Variants in COG5 observed in about 807,000 individuals in gnomAD.
COG5 encodes the protein component of oligomeric golgi complex 5.
In COG5, 86 loss-of-function variants were observed where a neutral mutation model predicts 110.4. The ratio of observed to expected loss-of-function variants is 0.78; its 90% confidence interval spans 0.65 to 0.93. The LOEUF is 0.93. Ranked by LOEUF, COG5 falls within the 40% of genes least tolerant of loss-of-function variation. COG5 has a pLI of 0.00. For missense variants in COG5, 1,077 were observed against 987.0 expected (o/e 1.09, Z -1.22); for synonymous variants, 360 against 334.6 (o/e 1.08, Z -0.83).
chr7:107,239,699 A>C (rs1269520224), intron 17 of COG5, among the ~76,000 whole-genome samples: 1 of 151,942 alleles, frequency 6.6e-6, no homozygotes, highest in Non-Finnish European at 1.5e-5. Flanking sequence ...TTCCATTTTC[A>C]TTTGTCCCAA....
At chr7:107,258,523 A>G in intron 14 of COG5, 140 bp from the exon 15 acceptor site, 1 of 684,420 alleles carries the variant, frequency 1.5e-6, no homozygotes, top group African/African-American at 1.8e-5. Context: ...GACAAAGAGA[A>G]TGTTAACTGG....
chr7:107,412,623 G>C lies in COG5; in HGVS notation c.548C>G (p.Ser183Cys). 1 of 1,528,688 alleles carries C rather than the reference G, an allele frequency of 6.5e-7. No homozygotes were observed. The highest frequency in any genetic ancestry group is 9.0e-7 in the Non-Finnish European group (1 of 1,107,886). 94.7% of individuals were successfully genotyped at this position (1,528,688 alleles called of 1,614,324 possible). A position where few individuals can be genotyped will look rare whatever the true frequency, so the allele number is the denominator to read the frequency against. Residue 183 changes from serine (S) to cysteine (C), a missense_variant, in exon 7 of 22, where the codon TCT becomes TGT. By Grantham distance (112) the Ser-to-Cys change is moderately radical (BLOSUM62 -1). Coordinates refer to ENST00000297135, the MANE Select transcript of COG5 (RefSeq NM_006348.5). ...TATTCCAGAAAGATCTATTCCTTGA[G>C]AAAGATAATCTGTTTAAAACAAAAA... ...AQSLNELDYL[S>C]QGIDLSGIEV...
At chr7:107,318,151 C>G (rs139171753) in intron 11 of COG5, among the ~76,000 whole-genome samples, 2,244 of 152,156 alleles carry the variant, frequency 0.015, 53 homozygotes, top group African/African-American at 0.052. Flanking sequence ...CCTCAGCCTC[C>G]GGAGCAGCTG....
intron 5 of COG5, among the ~76,000 whole-genome samples, chr7:107,528,764 A>G (rs1483548537): frequency 6.6e-6 from 1 of 152,176 alleles, no homozygotes; most frequent in Non-Finnish European, 1.5e-5. Context: ...CATGGTGGCA[A>G]TAAGAATTAA....
chr7:107,544,172 T>C (rs1802251648), intron 5 of COG5, among the ~76,000 whole-genome samples: 5 of 151,898 alleles, frequency 3.3e-5, no homozygotes, highest in Admixed American at 3.3e-4. Context: ...AGGCTAACCC[T>C]GGTAAACCCA....
At chr7:107,325,175 TATTA>T (rs1453341082) in intron 10 of COG5, among the ~76,000 whole-genome samples, 1 of 152,200 alleles carries the variant, frequency 6.6e-6, no homozygotes, top group South Asian at 2.1e-4. Context: ...AAAAGACAAA[TATTA>T]ATTAAAGTAT....
chr7:107,370,817 T>TATATATAC (rs930577807), intron 8 of COG5, among the ~76,000 whole-genome samples: 1 of 148,614 alleles, frequency 6.7e-6, no homozygotes, highest in Middle Eastern at 3.2e-3. Context: ...TATATATATA[T>TATATATAC]ACACACACAA....
chr7:107,411,557 G>T (rs1031487903), intron 7 of COG5, among the ~76,000 whole-genome samples: 3 of 151,986 alleles, frequency 2.0e-5, no homozygotes, highest in African/African-American at 4.8e-5. Context: ...CCTGGGTTTT[G>T]ATTTCACAGG....
At chr7:107,478,631 T>C (rs892790615) in intron 6 of COG5, among the ~76,000 whole-genome samples, 1 of 152,058 alleles carries the variant, frequency 6.6e-6, no homozygotes, top group Non-Finnish European at 1.5e-5. Flanking sequence ...AACTTTATCA[T>C]AGTTATGTAT....
intron 19 of COG5, among the ~76,000 whole-genome samples, chr7:107,227,046 A>G (rs1158450665): frequency 1.3e-5 from 2 of 152,212 alleles, no homozygotes; most frequent in Non-Finnish European, 2.9e-5. Flanking sequence ...AAGGGTATAA[A>G]TCTTCACAGT....
intron 7 of COG5, among the ~76,000 whole-genome samples, chr7:107,402,964 A>G (rs1791548629): frequency 6.6e-6 from 1 of 152,212 alleles, no homozygotes; most frequent in Non-Finnish European, 1.5e-5. Context: ...TAGCTCCTCC[A>G]TATCTAAACA....
chr7:107,461,077 A>T (rs570194938), intron 6 of COG5, among the ~76,000 whole-genome samples: 108 of 152,274 alleles, frequency 7.1e-4, no homozygotes, highest in Non-Finnish European at 4.1e-4. Flanking sequence ...GAAAAAGAAC[A>T]TCTTTCAACT....
At chr7:107,440,631 C>A (rs1197621800) in intron 6 of COG5, among the ~76,000 whole-genome samples, 1 of 152,090 alleles carries the variant, frequency 6.6e-6, no homozygotes, top group Non-Finnish European at 1.5e-5. Context: ...CCACCCCACA[C>A]CAACTTCTGG....
At chr7:107,206,716 G>GT (rs2116139927) in intron 21 of COG5, among the ~76,000 whole-genome samples, 1 of 150,980 alleles carries the variant, frequency 6.6e-6, no homozygotes, top group East Asian at 1.9e-4. Context: ...AAGACATCAC[G>GT]TAAGTTACAC....
At chr7:107,415,329 A>T (rs2129068997) in intron 6 of COG5, among the ~76,000 whole-genome samples, 1 of 152,298 alleles carries the variant, frequency 6.6e-6, no homozygotes, top group Admixed American at 6.5e-5. Context: ...GGCAAATACT[A>T]AAATAATTAG....
intron 5 of COG5, among the ~76,000 whole-genome samples, chr7:107,543,191 G>C (rs534160995): frequency 7.2e-5 from 11 of 152,196 alleles, no homozygotes; most frequent in Middle Eastern, 3.4e-3. Flanking sequence ...CTTCACAAAA[G>C]TTAAAGAAAC....
chr7:107,369,799 A>C (rs1414290281), intron 8 of COG5, among the ~76,000 whole-genome samples: 1 of 152,222 alleles, frequency 6.6e-6, no homozygotes. Context: ...AAATTGATAA[A>C]ATTGAGTAAA....
At chr7:107,269,246 C>CG (rs1001703047) in intron 14 of COG5, among the ~76,000 whole-genome samples, 2 of 152,004 alleles carry the variant, frequency 1.3e-5, no homozygotes, top group African/African-American at 2.4e-5. Flanking sequence ...GAGGCCGAGG[C>CG]GGGGGGATCA....
At chr7:107,378,837 G>A (rs1022337412) in intron 7 of COG5, among the ~76,000 whole-genome samples, 13 of 152,072 alleles carry the variant, frequency 8.5e-5, no homozygotes, top group African/African-American at 2.9e-4. Flanking sequence ...GAACCAAGTG[G>A]GAAAACACAC....
Sources: allele counts gnomAD v4.1 joint callset (sites outside exome capture counted in the v4.1 genomes callset), GRCh38; gene constraint gnomAD v4.1.1; transcripts MANE v1.5; gene names NCBI Gene and HGNC (gene_info 2026-07-23, HGNC 2026-07-21).